Variants in DNER observed in about 807,000 individuals in gnomAD.
The protein encoded by DNER is delta/notch like EGF repeat containing.
Under a neutral mutation model 78.2 loss-of-function variants are expected in DNER, and 33 were observed. The ratio of observed to expected loss-of-function variants is 0.42; its 90% CI spans 0.32 to 0.56. DNER has a LOEUF of 0.56. DNER is among the 20% of genes least tolerant of loss of function. DNER has a pLI of 0.11. For missense variants in DNER, 918 were observed against 975.3 expected (o/e 0.94, Z 0.78); for synonymous variants, 417 against 384.8 (o/e 1.08, Z -0.98).
chr2:229,704,091 T>C (rs1699791143), intron 1 of DNER, among the ~76,000 whole-genome samples: 1 of 152,196 alleles, frequency 6.6e-6, no homozygotes, highest in South Asian at 2.1e-4. Flanking sequence ...GCAAATAGCA[T>C]ATGAAAAGAT....
At chr2:229,642,410 C>A (rs150005412) in intron 1 of DNER, among the ~76,000 whole-genome samples, 2 of 152,190 alleles carry the variant, frequency 1.3e-5, no homozygotes, top group African/African-American at 4.8e-5. Context: ...CAGTGACAGA[C>A]GCCCGCTGAA....
At chr2:229,554,985 G>GGAAGA (rs1696831635) in intron 4 of DNER, among the ~76,000 whole-genome samples, 1 of 149,860 alleles carries the variant, frequency 6.7e-6, no homozygotes. Context: ...GGAAGGGAAG[G>GGAAGA]GAAGGGAGAA....
intron 1 of DNER, among the ~76,000 whole-genome samples, chr2:229,648,228 T>C (rs1267703622): frequency 6.6e-6 from 1 of 152,238 alleles, no homozygotes; most frequent in Non-Finnish European, 1.5e-5. Flanking sequence ...TTAACCTAGA[T>C]ACGGGACTGT....
chr2:229,387,489 A>AAGAAAGAAAGAAAGAG, intron 11 of DNER, among the ~76,000 whole-genome samples: 1 of 109,584 alleles, frequency 9.1e-6, no homozygotes, highest in East Asian at 2.4e-4. Flanking sequence ...AAGAAAAAGA[A>AAGAAAGAAAGAAAGAG]AGAAAGAAAG....
chr2:229,704,704 A>G, intron 1 of DNER, among the ~76,000 whole-genome samples: 1 of 152,262 alleles, frequency 6.6e-6, no homozygotes, highest in Non-Finnish European at 1.5e-5. Flanking sequence ...GAGGAAATGT[A>G]TAGGGATGAT....
At chr2:229,395,138 G>C (rs1191729425) in intron 10 of DNER, among the ~76,000 whole-genome samples, 1 of 152,158 alleles carries the variant, frequency 6.6e-6, no homozygotes, top group Non-Finnish European at 1.5e-5. Flanking sequence ...TTTGGTTTTT[G>C]GGGGTGCCAG....
intron 1 of DNER, among the ~76,000 whole-genome samples, chr2:229,667,764 TAA>T (rs1699119037): frequency 6.6e-6 from 1 of 152,226 alleles, no homozygotes; most frequent in Non-Finnish European, 1.5e-5. Context: ...AAAACCATGT[TAA>T]GTTTATGATT....
intron 1 of DNER, among the ~76,000 whole-genome samples, chr2:229,686,094 G>C (rs1699478320): frequency 6.6e-6 from 1 of 152,222 alleles, no homozygotes; most frequent in Non-Finnish European, 1.5e-5. Flanking sequence ...GGGTAAAGGA[G>C]AGATTGGAGA....
chr2:229,395,429 C>T (rs953468184), intron 10 of DNER, among the ~76,000 whole-genome samples: 1 of 152,208 alleles, frequency 6.6e-6, no homozygotes, highest in African/African-American at 2.4e-5. Context: ...GGGGAATGTC[C>T]TTGCAGTGAC....
chr2:229,678,810 T>A (rs1373718038), intron 1 of DNER, among the ~76,000 whole-genome samples: 1 of 152,162 alleles, frequency 6.6e-6, no homozygotes, highest in Non-Finnish European at 1.5e-5. Context: ...TATAAGGAAG[T>A]CATAATAAAA....
intron 1 of DNER, among the ~76,000 whole-genome samples, chr2:229,656,083 T>C: frequency 6.6e-6 from 1 of 152,110 alleles, no homozygotes; most frequent in East Asian, 1.9e-4. Flanking sequence ...TACACTTCCA[T>C]TGTCTTAAGC....
chr2:229,602,891 C>A (rs1435248767), intron 1 of DNER, among the ~76,000 whole-genome samples: 3 of 152,132 alleles, frequency 2.0e-5, no homozygotes, highest in Non-Finnish European at 4.4e-5. Flanking sequence ...CATTTGTGTG[C>A]TTCTGTAAAA....
chr2:229,510,361 G>A (rs1308864547), intron 6 of DNER, among the ~76,000 whole-genome samples: 1 of 152,242 alleles, frequency 6.6e-6, no homozygotes, highest in Non-Finnish European at 1.5e-5. Flanking sequence ...GCATGGATGA[G>A]GCAAAGGCCG....
intron 1 of DNER, among the ~76,000 whole-genome samples, chr2:229,636,797 G>A (rs1034698796): frequency 2.0e-5 from 3 of 152,104 alleles, no homozygotes; most frequent in Non-Finnish European, 4.4e-5. Flanking sequence ...TGGAATGTAA[G>A]AGGAAGGCAC....
chr2:229,520,255 G>A (rs999633961), intron 5 of DNER, among the ~76,000 whole-genome samples: 2 of 152,202 alleles, frequency 1.3e-5, no homozygotes, highest in African/African-American at 4.8e-5. Flanking sequence ...GGGTTTGGCT[G>A]TAAGAGCATC....
chr2:229,561,204 T>A (rs1345282869), intron 4 of DNER, among the ~76,000 whole-genome samples: 1 of 152,144 alleles, frequency 6.6e-6, no homozygotes, highest in Non-Finnish European at 1.5e-5. Context: ...GACACAACAG[T>A]ACATCCCAGA....
At chr2:229,701,247 A>G (rs1699742243) in intron 1 of DNER, among the ~76,000 whole-genome samples, 1 of 152,254 alleles carries the variant, frequency 6.6e-6, no homozygotes, top group Admixed American at 6.5e-5. Context: ...CTGATTTCAT[A>G]TTTTAAATGC....
intron 1 of DNER, among the ~76,000 whole-genome samples, chr2:229,629,995 G>C (rs1161878094): frequency 1.3e-5 from 2 of 152,182 alleles, no homozygotes; most frequent in African/African-American, 4.8e-5. Context: ...GCCTCTTTTA[G>C]CAATCTCATC....
intron 6 of DNER, among the ~76,000 whole-genome samples, chr2:229,478,361 G>GA (rs1416450424): frequency 6.6e-6 from 1 of 152,180 alleles, no homozygotes; most frequent in Admixed American, 6.5e-5. Context: ...AGTGATACTA[G>GA]AAAAGAGATG....
Sources: gnomAD v4.1 joint callset for allele counts (sites outside exome capture counted in the v4.1 genomes callset) on GRCh38, gnomAD v4.1.1 for gene constraint, MANE v1.5 for transcripts, NCBI Gene and HGNC (gene_info 2026-07-23, HGNC 2026-07-21) for gene names.